VPS37A: variants seen among roughly 807,000 people sequenced by gnomAD.
VPS37A encodes vacuolar protein sorting-associated protein 37A.
Under a neutral mutation model 49.8 loss-of-function variants are expected in VPS37A, and 30 were observed. That is an observed-to-expected ratio of 0.60 (90% CI 0.45 to 0.82). The LOEUF is 0.82. VPS37A is among the 40% of genes least tolerant of loss of function. The pLI is 0.00. For missense variants in VPS37A, 593 were observed against 464.4 expected (o/e 1.28, Z -2.55); for synonymous variants, 195 against 160.6 (o/e 1.21, Z -1.62).
Position 17,264,486 on chromosome 8 carries a change from GT to G in VPS37A, c.126-1415del, listed in dbSNP as rs530405713. On this transcript the variant is annotated intron_variant, in intron 1 of 11. Coordinates refer to ENST00000324849, the MANE Select transcript of VPS37A (RefSeq NM_152415.3). Reference sequence around the variant, plus strand: ...TGTCCACTTGAGTCTTTTCTTAATCGTTTTTTCTAAGTGATAACTCCATTCC... The same window carrying G: ...TGTCCACTTGAGTCTTTTCTTAATCGTTTTTCTAAGTGATAACTCCATTCC... 2.6e-5 allele frequency among the ~76,000 whole-genome samples: 4 copies of G among 152,086 alleles called. 1 individual carries two copies. The highest frequency in any genetic ancestry group is 9.7e-5 in the African/African-American group (4 of 41,400).
chr8:17,267,071 C>G (rs1813533746), intron 2 of VPS37A, among the ~76,000 whole-genome samples: 1 of 152,102 alleles, frequency 6.6e-6, no homozygotes, highest in South Asian at 2.1e-4. Context: ...TTTTTGAATC[C>G]TCACAGCAGC....
the VPS37A span, chr8:17,331,037 T>A: frequency 7.9e-7 from 1 of 1,267,290 alleles, no homozygotes; most frequent in African/African-American, 1.5e-5. Context: ...ATGATATTCT[T>A]CCCAAATTAT....
intron 1 of VPS37A, among the ~76,000 whole-genome samples, chr8:17,262,790 C>T (rs987123521): frequency 6.6e-6 from 1 of 152,022 alleles, no homozygotes; most frequent in Non-Finnish European, 1.5e-5. Context: ...AGGCCGGACA[C>T]GGTGACTCAC....
downstream of VPS37A, among the ~76,000 whole-genome samples, chr8:17,306,235 A>C (rs776195256): frequency 1.2e-4 from 18 of 152,218 alleles, no homozygotes; most frequent in Admixed American, 5.9e-4. Context: ...TCCACAGAAA[A>C]AGGGCATTTT....
At chr8:17,250,441 G>A (rs1435102708) in intron 1 of VPS37A, among the ~76,000 whole-genome samples, 1 of 152,138 alleles carries the variant, frequency 6.6e-6, no homozygotes, top group African/African-American at 2.4e-5. Context: ...TTTTTCCTAT[G>A]AACAGTACAA....
At chr8:17,272,066 A>G (rs1050080046) in intron 4 of VPS37A, 7 of 456,630 alleles carry the variant, frequency 1.5e-5, no homozygotes, top group Admixed American at 2.3e-5. Context: ...TTCACTAGGT[A>G]CATTTTCTGT....
Position 17,247,105 on chromosome 8 carries a change from C to T in VPS37A, c.-140C>T. 2 of 1,148,208 alleles carry T rather than the reference C, an allele frequency of 1.7e-6. No homozygotes were observed. Among genetic ancestry groups the T allele is most frequent in the Non-Finnish European group, 2.5e-6 (2 of 810,724 alleles). 71.1% of individuals were successfully genotyped at this position (1,148,208 alleles called of 1,614,324 possible). ...ACTCGGGGAGCGCAGGCAGGACAGG[C>T]TTAGAGAAGACGCGGTCCCCAGCGC... On this transcript the variant is annotated 5_prime_UTR_variant, in exon 1 of 12. Coordinates refer to ENST00000324849, the MANE Select transcript of VPS37A (RefSeq NM_152415.3).
the VPS37A span, among the ~76,000 whole-genome samples, chr8:17,315,035 C>A: frequency 7.1e-5 from 9 of 127,276 alleles, no homozygotes; most frequent in Admixed American, 7.0e-4. Context: ...AGCCCTGTGG[C>A]CCTTGGGTAG....
the VPS37A span, among the ~76,000 whole-genome samples, chr8:17,330,485 G>A: frequency 0.018 from 2,704 of 152,312 alleles, 86 homozygotes; most frequent in African/African-American, 0.061. Flanking sequence ...CAGAAGCAGC[G>A]GACTAAGCTG....
downstream of VPS37A, chr8:17,302,213 G>A: frequency 6.2e-7 from 1 of 1,614,072 alleles, no homozygotes; most frequent in South Asian, 1.1e-5. Flanking sequence ...ACTGCCATTA[G>A]GTAATCTGTA....
At chr8:17,286,251 CCAA>C in intron 10 of VPS37A, 93 bp from the exon 11 acceptor site, 1 of 922,674 alleles carries the variant, frequency 1.1e-6, no homozygotes. Context: ...TAAAATAATG[CCAA>C]CAAGTTAAAA....
chr8:17,258,686 G>T (rs1399587676), intron 1 of VPS37A, among the ~76,000 whole-genome samples: 1 of 152,018 alleles, frequency 6.6e-6, no homozygotes, highest in African/African-American at 2.4e-5. Flanking sequence ...AGCATGAGTA[G>T]AATTGTTATT....
chr8:17,248,650 T>C (rs1362638593), intron 1 of VPS37A, among the ~76,000 whole-genome samples: 7 of 152,208 alleles, frequency 4.6e-5, no homozygotes, highest in African/African-American at 1.2e-4. Flanking sequence ...ATAATTCTTA[T>C]TTAAAATGGA....
chr8:17,294,759 C>G (rs1286066431), intron 11 of VPS37A, among the ~76,000 whole-genome samples: 1 of 152,174 alleles, frequency 6.6e-6, no homozygotes. Flanking sequence ...GTGGGCTACA[C>G]CCACTGTCTA....
intron 2 of VPS37A, 30 bp downstream of exon 2, chr8:17,266,011 G>T (rs759179567): frequency 1.9e-6 from 3 of 1,574,046 alleles, no homozygotes; most frequent in African/African-American, 2.7e-5. Context: ...ACTTTTTCAT[G>T]TAAAAGGACT....
chr8:17,273,568 G>T (rs570522176), intron 4 of VPS37A, among the ~76,000 whole-genome samples: 1 of 151,962 alleles, frequency 6.6e-6, no homozygotes, highest in African/African-American at 2.4e-5. Context: ...GGGTTTCACC[G>T]TGTTAGCCAG....
At chr8:17,247,421 G>GCC in intron 1 of VPS37A, 52 bp downstream of exon 1, 20 of 163,918 alleles carry the variant, frequency 1.2e-4, no homozygotes, top group Non-Finnish European at 2.1e-4. Flanking sequence ...GGGAGGGCGG[G>GCC]CTTGTCCTAA....
downstream of VPS37A, chr8:17,304,576 A>G: frequency 6.5e-7 from 1 of 1,540,638 alleles, no homozygotes; most frequent in Non-Finnish European, 8.9e-7. Context: ...CACACAGTAG[A>G]TATGTTATAT....
chr8:17,304,209 G>C (rs1410929749), downstream of VPS37A, among the ~76,000 whole-genome samples: 1 of 152,138 alleles, frequency 6.6e-6, no homozygotes, highest in African/African-American at 2.4e-5. Flanking sequence ...AGAGGCAGAG[G>C]AGTCACTGGC....
Sources: gnomAD v4.1 joint callset for allele counts (sites outside exome capture counted in the v4.1 genomes callset) on GRCh38, gnomAD v4.1.1 for gene constraint, MANE v1.5 for transcripts, NCBI Gene and HGNC (gene_info 2026-07-23, HGNC 2026-07-21) for gene names.